The following NRG3 variants were observed in gnomAD, a reference collection of about 807,000 sequenced individuals.
NRG3 encodes the protein pro-neuregulin-3, membrane-bound isoform.
NRG3 carries 31 observed loss-of-function variants against 66.9 expected under a neutral mutation model. The ratio of observed to expected loss-of-function variants is 0.46; its 90% CI spans 0.35 to 0.63. The LOEUF is 0.63. Ranked by LOEUF, NRG3 falls within the 20% of genes least tolerant of loss-of-function variation. The pLI is 0.00. For synonymous variants in NRG3, 393 were observed against 359.4 expected (o/e 1.09, Z -1.06); for missense variants, 910 against 878.9 (o/e 1.04, Z -0.45).
chr10:82,797,012 GA>G (rs1290515009), intron 3 of NRG3, among the ~76,000 whole-genome samples: 2 of 152,022 alleles, frequency 1.3e-5, no homozygotes, highest in African/African-American at 4.8e-5. Flanking sequence ...ACCAGAATTA[GA>G]AAAACTCTGA....
At chr10:82,169,881 T>C (rs1339348431) in intron 1 of NRG3, among the ~76,000 whole-genome samples, 2 of 151,958 alleles carry the variant, frequency 1.3e-5, no homozygotes, top group African/African-American at 4.8e-5. Context: ...TTTTTCTTTA[T>C]TCACCTTTAA....
chr10:82,620,344 A>G (rs2048960280), intron 2 of NRG3, among the ~76,000 whole-genome samples: 1 of 152,116 alleles, frequency 6.6e-6, no homozygotes. Context: ...TTGCACGGAC[A>G]CTTGAAGGAT....
At chr10:82,296,429 G>A (rs557006119) in intron 1 of NRG3, among the ~76,000 whole-genome samples, 1 of 152,180 alleles carries the variant, frequency 6.6e-6, no homozygotes, top group African/African-American at 2.4e-5. Context: ...TGAGAGAAGA[G>A]ATATTCACGG....
intron 1 of NRG3, among the ~76,000 whole-genome samples, chr10:82,286,760 G>C (rs563427900): frequency 6.6e-6 from 1 of 151,996 alleles, no homozygotes; most frequent in Non-Finnish European, 1.5e-5. Flanking sequence ...GCTCACTTTT[G>C]TATTTTTAGT....
At chr10:82,179,226 TG>T (rs2073247485) in intron 1 of NRG3, among the ~76,000 whole-genome samples, 1 of 152,084 alleles carries the variant, frequency 6.6e-6, no homozygotes, top group African/African-American at 2.4e-5. Context: ...TTGTTTCTTT[TG>T]CTGTGCAGAA....
intron 1 of NRG3, among the ~76,000 whole-genome samples, chr10:82,101,116 A>G (rs1214317817): frequency 1.3e-5 from 2 of 151,720 alleles, no homozygotes; most frequent in Non-Finnish European, 1.5e-5. Flanking sequence ...ACACAGACAG[A>G]TTTGTATTAT....
chr10:82,325,024 T>C (rs1472527760), intron 1 of NRG3, among the ~76,000 whole-genome samples: 1 of 152,214 alleles, frequency 6.6e-6, no homozygotes, highest in East Asian at 1.9e-4. Flanking sequence ...ATTATAATGG[T>C]GGATTTGTCC....
chr10:82,517,755 C>T (rs1481284399), intron 2 of NRG3, among the ~76,000 whole-genome samples: 1 of 151,754 alleles, frequency 6.6e-6, no homozygotes, highest in Non-Finnish European at 1.5e-5. Flanking sequence ...TACAATCCTA[C>T]ACTGAGATGT....
chr10:82,896,121 T>G (rs1280702171), intron 4 of NRG3, among the ~76,000 whole-genome samples: 1 of 151,974 alleles, frequency 6.6e-6, no homozygotes, highest in Non-Finnish European at 1.5e-5. Context: ...GATTTGGGGG[T>G]TTGCAAGTAC....
At chr10:82,590,388 G>A (rs949854542) in intron 2 of NRG3, among the ~76,000 whole-genome samples, 4 of 151,982 alleles carry the variant, frequency 2.6e-5, no homozygotes, top group African/African-American at 4.8e-5. Context: ...ACAAGTTATC[G>A]GAGGAAGCTA....
chr10:82,472,562 G>A (rs548928365), intron 2 of NRG3, among the ~76,000 whole-genome samples: 164 of 152,192 alleles, frequency 1.1e-3, no homozygotes, highest in African/African-American at 3.7e-3. Flanking sequence ...ATTCCCCTTC[G>A]GGTATCCCTG....
chr10:82,870,414 T>A (rs1048815481), intron 4 of NRG3, among the ~76,000 whole-genome samples: 1 of 152,204 alleles, frequency 6.6e-6, no homozygotes, highest in Non-Finnish European at 1.5e-5. Context: ...GGCTTTTGTA[T>A]AGAAATAAAT....
chr10:82,441,601 G>A (rs1052152236), intron 2 of NRG3, among the ~76,000 whole-genome samples: 10 of 152,182 alleles, frequency 6.6e-5, no homozygotes, highest in African/African-American at 1.9e-4. Flanking sequence ...CCCGCACAGC[G>A]ATGAGAGAGT....
intron 1 of NRG3, among the ~76,000 whole-genome samples, chr10:82,082,472 G>T (rs1216988198): frequency 6.6e-6 from 1 of 152,194 alleles, no homozygotes; most frequent in Non-Finnish European, 1.5e-5. Context: ...GATAGAGCCT[G>T]GGAAAGGAGG....
intron 1 of NRG3, among the ~76,000 whole-genome samples, chr10:82,224,570 G>C (rs1226132940): frequency 6.6e-6 from 1 of 152,042 alleles, no homozygotes; most frequent in African/African-American, 2.4e-5. Context: ...CTAATTATTT[G>C]GTTGAATAAG....
chr10:82,824,132 C>T (rs766058290), intron 3 of NRG3, among the ~76,000 whole-genome samples: 7 of 152,174 alleles, frequency 4.6e-5, no homozygotes, highest in Non-Finnish European at 7.3e-5. Flanking sequence ...ATTATACTTA[C>T]GTAGCCTTTT....
chr10:81,978,875 G>A (rs2060222596), intron 1 of NRG3, among the ~76,000 whole-genome samples: 1 of 151,966 alleles, frequency 6.6e-6, no homozygotes, highest in African/African-American at 2.4e-5. Flanking sequence ...ATGTTTTGTA[G>A]CATCTAGCCA....
intron 1 of NRG3, among the ~76,000 whole-genome samples, chr10:82,041,548 T>G (rs1345375078): frequency 6.6e-6 from 1 of 151,980 alleles, no homozygotes; most frequent in Non-Finnish European, 1.5e-5. Flanking sequence ...GAAGACTTTG[T>G]CTCATTTGTA....
At chr10:81,876,272 C>T in intron 1 of NRG3, 109 bp downstream of exon 1, 2 of 1,422,574 alleles carry the variant, frequency 1.4e-6, no homozygotes, top group South Asian at 2.8e-5. Flanking sequence ...CTCCCCCATC[C>T]CAGGTTTGGG....
Sources: gnomAD v4.1 joint callset for allele counts (sites outside exome capture counted in the v4.1 genomes callset) on GRCh38, gnomAD v4.1.1 for gene constraint, MANE v1.5 for transcripts, NCBI Gene and HGNC (gene_info 2026-07-23, HGNC 2026-07-21) for gene names.